ABI3BP: variants seen among roughly 807,000 people sequenced by gnomAD.
The protein encoded by ABI3BP is target of Nesh-SH3.
A neutral mutation model predicts 268.6 loss-of-function variants in ABI3BP; 216 were observed. The ratio of observed to expected loss-of-function variants is 0.80; its 90% CI spans 0.72 to 0.90. The LOEUF (loss-of-function observed/expected upper bound fraction) is 0.90. Ranked by LOEUF, ABI3BP falls within the 40% of genes least tolerant of loss-of-function variation. The pLI is 0.00. For missense variants in ABI3BP, 2,090 were observed against 2,182.4 expected (o/e 0.96, Z 0.84); for synonymous variants, 730 against 730.0 (o/e 1.00, Z 0.00).
chr3:100,849,825 A>C (rs1228101684), intron 17 of ABI3BP, among the ~76,000 whole-genome samples: 1 of 152,242 alleles, frequency 6.6e-6, no homozygotes, highest in African/African-American at 2.4e-5. Context: ...GGAAGGAAAC[A>C]ATTCCTCAAA....
intron 9 of ABI3BP, among the ~76,000 whole-genome samples, chr3:100,868,588 C>T (rs1357916491): frequency 2.0e-5 from 3 of 152,166 alleles, no homozygotes; most frequent in Non-Finnish European, 4.4e-5. Flanking sequence ...ACGTTTATAG[C>T]AGCAAATCAG....
Position 100,795,816 on chromosome 3 carries a change from T to C in ABI3BP, c.3853A>G (p.Lys1285Glu), listed in dbSNP as rs1356092929. 2 of 1,287,806 alleles carry C rather than the reference T, an allele frequency of 1.6e-6. No individual in the cohort carries two copies. The highest frequency in any genetic ancestry group is 3.0e-5 in the African/African-American group (2 of 65,648). The allele number at this position is 1,287,806 out of a possible 1,614,324, so 79.8% of individuals were successfully genotyped here. Residue 1285 changes from lysine to glutamate, a missense_variant, in exon 53 of 68, where the codon AAG (lysine) becomes GAG (glutamate). Transcript: ENST00000471714. ...QPVTFRFEPPKTTIAPLETRG... is the reference protein window; with the variant it reads ...QPVTFRFEPPETTIAPLETRG... ...GGAAAACCATTACCTATTGTTGTCTTTGGTGGCTCAAATCTAAAGGTAACA... is the reference window on the plus strand; with the variant it reads ...GGAAAACCATTACCTATTGTTGTCTCTGGTGGCTCAAATCTAAAGGTAACA...
At chr3:100,968,722 GA>G (rs2082286049) in intron 1 of ABI3BP, among the ~76,000 whole-genome samples, 1 of 152,056 alleles carries the variant, frequency 6.6e-6, no homozygotes, top group Admixed American at 6.6e-5. Flanking sequence ...TAAGTTCTGG[GA>G]TATGTGCGCA....
chr3:100,811,781 T>C lies in ABI3BP; in HGVS notation c.3440A>G (p.Tyr1147Cys). The change falls in exon 47 of 68, where the codon TAT (tyrosine) becomes TGT (cysteine). Residue 1147 changes from tyrosine (Y) to cysteine (C), a missense_variant. Coordinates refer to ENST00000471714, the MANE Select transcript of ABI3BP (RefSeq NM_001375547.2). ...KETIAPAKTD[Y>C]VYPTAKAPLW... ...TGGTGCTTTGGCAGTGGGATATACA[T>C]AGTCTGTTTTGGCTGGTGCTAGGGA... 1 of 1,535,474 alleles carries C rather than the reference T, an allele frequency of 6.5e-7. No individual in the cohort carries two copies. The highest frequency in any genetic ancestry group is 1.2e-5 in the South Asian group (1 of 84,036).
chr3:100,776,008 G>A (rs2096691641), intron 59 of ABI3BP, among the ~76,000 whole-genome samples: 1 of 152,098 alleles, frequency 6.6e-6, no homozygotes, highest in Non-Finnish European at 1.5e-5. Context: ...AGATTCCTAG[G>A]GTTAATGTCC....
At chr3:100,812,996 T>A (rs979106730) in intron 45 of ABI3BP, among the ~76,000 whole-genome samples, 2 of 152,136 alleles carry the variant, frequency 1.3e-5, no homozygotes, top group African/African-American at 4.8e-5. Context: ...TCCTCCTACC[T>A]GAGCCTCCTA....
rs189354967 is a variant in ABI3BP at position 100,941,212 on chromosome 3, A to T, written c.80-14731T>A. Among the ~76,000 whole-genome samples the T allele has an allele frequency of 1.5e-3, 225 of 152,050 alleles. 1 individual carries two copies. Among genetic ancestry groups the T allele is most frequent in the Non-Finnish European group, 1.6e-3 (111 of 67,956 alleles). On this transcript the variant is annotated intron_variant, in intron 1 of 67. Coordinates refer to ENST00000471714, the MANE Select transcript of ABI3BP (RefSeq NM_001375547.2). ...TCATGATCTCTGCTCCAGGGCAAGC[A>T]GAACAGCACGTTCCCTCTCCAAGAT...
Position 100,808,048 on chromosome 3 carries a change from G to A in ABI3BP, c.3682+113C>T. The A allele has an allele frequency of 3.2e-6, 3 of 924,352 alleles. No individual in the cohort carries two copies. In the South Asian group the frequency reaches 4.3e-5, roughly 13 times the overall value. The allele number at this position is 924,352 out of a possible 1,614,324, so 57.3% of individuals were successfully genotyped here. A position where few individuals can be genotyped will look rare whatever the true frequency, so the allele number is the denominator to read the frequency against. ...TTTATTAGGTTACAGAGGAAGACTTGTTTTACAAGTGTTAAAGACTCAATC... is the reference window on the plus strand; with the variant it reads ...TTTATTAGGTTACAGAGGAAGACTTATTTTACAAGTGTTAAAGACTCAATC... On this transcript the variant is annotated intron_variant, in intron 50 of 67. Coordinates refer to ENST00000471714, the MANE Select transcript of ABI3BP (RefSeq NM_001375547.2).
At chr3:100,860,866 T>C (rs1433452481) in intron 14 of ABI3BP, among the ~76,000 whole-genome samples, 1 of 152,158 alleles carries the variant, frequency 6.6e-6, no homozygotes, top group African/African-American at 2.4e-5. Flanking sequence ...CAGGTGCTCC[T>C]GAGGGATGTG....
intron 2 of ABI3BP, among the ~76,000 whole-genome samples, chr3:100,904,201 A>AGAT (rs2153513957): frequency 6.6e-6 from 1 of 152,284 alleles, no homozygotes; most frequent in East Asian, 1.9e-4. Flanking sequence ...TTTGTAGATG[A>AGAT]GATAACTGGG....
intron 4 of ABI3BP, among the ~76,000 whole-genome samples, 163 bp downstream of exon 4, chr3:100,898,599 C>T (rs1369190192): frequency 2.0e-5 from 3 of 152,186 alleles, no homozygotes; most frequent in African/African-American, 7.2e-5. Context: ...GTTTTCTATT[C>T]AGGTAGATAA....
intron 63 of ABI3BP, among the ~76,000 whole-genome samples, chr3:100,756,839 G>A (rs757550060): frequency 9.6e-6 from 1 of 104,068 alleles, no homozygotes; most frequent in East Asian, 2.5e-4. Flanking sequence ...AAATTATTTT[G>A]CACTAAATTT....
At chr3:100,878,531 G>T (rs1048519137) in intron 6 of ABI3BP, among the ~76,000 whole-genome samples, 7 of 152,164 alleles carry the variant, frequency 4.6e-5, no homozygotes, top group East Asian at 1.9e-4. Flanking sequence ...ATATAATTTA[G>T]ACATGCTCTT....
intron 49 of ABI3BP, among the ~76,000 whole-genome samples, chr3:100,809,722 G>T (rs1449878100): frequency 6.6e-6 from 1 of 151,948 alleles, no homozygotes; most frequent in Non-Finnish European, 1.5e-5. Flanking sequence ...ACAGAAGTTT[G>T]GGCTTATTTA....
intron 1 of ABI3BP, among the ~76,000 whole-genome samples, chr3:100,940,513 G>A (rs925435355): frequency 6.6e-6 from 1 of 151,334 alleles, no homozygotes; most frequent in Admixed American, 6.6e-5. Flanking sequence ...ATTCACAAAG[G>A]CCATGCAAAA....
Position 100,926,333 on chromosome 3 carries a change from G to A in ABI3BP, c.228C>T (p.Pro76=), listed in dbSNP as rs760047465. 24 of 1,613,234 alleles carry A rather than the reference G, an allele frequency of 1.5e-5. No individual in the cohort carries two copies. The highest frequency in any genetic ancestry group is 1.6e-4 in the Middle Eastern group (1 of 6,078). Residue 76 remains proline, a synonymous_variant, in exon 2 of 68, where the codon CCC becomes CCT. Coordinates refer to ENST00000471714, the MANE Select transcript of ABI3BP (RefSeq NM_001375547.2). ...TAGCTTCTGTGAATTTCCCTTCAGC[G>A]GGAAGAGGGAAGTACTGGTTTGGTG... ...NVSPNQYFPL[P]AEGKFTEAIV... is the part of the protein sequence containing the mutation.
Position 100,792,699 on chromosome 3 carries a change from G to A in ABI3BP, c.4016C>T (p.Thr1339Ile). 1.9e-6 allele frequency: 3 copies of A among 1,611,390 alleles called. No homozygotes were observed. Among genetic ancestry groups the A allele is most frequent in the Non-Finnish European group, 2.5e-6 (3 of 1,178,172 alleles). ...GTAGGGGAGAGGATTACCCTGAGTT[G>A]TCTTTGCTAGTTCAGTTGTTCGTGG... is the stretch of plus-strand genomic sequence containing the variant. ...KIPRTTELAKTTQAPHRFYTT... is the reference protein window; with the variant it reads ...KIPRTTELAKITQAPHRFYTT... Residue 1339 changes from threonine to isoleucine, a missense_variant, in exon 55 of 68, where the codon ACA (threonine) becomes ATA (isoleucine). Transcript: ENST00000471714.
Position 100,809,180 on chromosome 3 carries a change from G to A in ABI3BP, c.3608-945C>T, listed in dbSNP as rs551793546. On this transcript the variant is annotated intron_variant, in intron 49 of 67. Coordinates refer to ENST00000471714, the MANE Select transcript of ABI3BP (RefSeq NM_001375547.2). ...ATGTTGGAGATGACCTGGTTTAGAA[G>A]CCTGGAACCTGGGGATTTAGAGCTC... 2.0e-5 allele frequency among the ~76,000 whole-genome samples: 3 copies of A among 152,144 alleles called. No individual in the cohort carries two copies. In the East Asian group the frequency reaches 5.8e-4, roughly 29 times the overall value.
At chr3:100,796,512 C>A (rs1478825570) in intron 51 of ABI3BP, 44 bp from the exon 52 acceptor site, 11 of 1,442,060 alleles carry the variant, frequency 7.6e-6, no homozygotes, top group Non-Finnish European at 1.0e-5. Flanking sequence ...CTAAATAACC[C>A]AACTGGAGTG....
Sources: allele counts gnomAD v4.1 joint callset (sites outside exome capture counted in the v4.1 genomes callset), GRCh38; gene constraint gnomAD v4.1.1; transcripts MANE v1.5; gene names NCBI Gene and HGNC (gene_info 2026-07-23, HGNC 2026-07-21).